DMD: variants seen among roughly 807,000 people sequenced by gnomAD.
The protein encoded by DMD is dystrophin.
A neutral mutation model predicts 330.1 loss-of-function variants in DMD; 63 were observed. That is an observed-to-expected ratio of 0.19 (90% CI 0.16 to 0.24). The LOEUF is 0.24. DMD is among the 10% of genes least tolerant of loss of function. The pLI, the probability that DMD is intolerant of heterozygous loss-of-function variation, is 1.00. For missense variants in DMD, 3,344 were observed against 2,684.1 expected (o/e 1.25, Z -5.43); for synonymous variants, 1,223 against 959.8 (o/e 1.27, Z -5.07).
chrX:31,202,763 A>G (rs1365889634), intron 67 of DMD, among the ~76,000 whole-genome samples: 1 of 112,014 alleles, frequency 8.9e-6, no homozygotes, highest in Non-Finnish European at 1.9e-5. Flanking sequence ...ACTTGAAAAA[A>G]CCAAAAACAA....
At chrX:32,777,377 C>T (rs1569518216) in intron 7 of DMD, among the ~76,000 whole-genome samples, 1 of 102,788 alleles carries the variant, frequency 9.7e-6, no homozygotes, top group African/African-American at 3.6e-5. Flanking sequence ...GCAGTTATTA[C>T]TTTGTAAAAA....
intron 30 of DMD, among the ~76,000 whole-genome samples, chrX:32,407,834 G>A (rs1476843091): frequency 9.2e-6 from 1 of 108,447 alleles, no homozygotes; most frequent in Non-Finnish European, 1.9e-5. Context: ...GGACATGGAT[G>A]AAGCTGGAAA....
chrX:32,789,999 C>A (rs779462164), intron 7 of DMD, among the ~76,000 whole-genome samples: 1 of 111,465 alleles, frequency 9.0e-6, no homozygotes, highest in Non-Finnish European at 1.9e-5. Flanking sequence ...ATATAAAATT[C>A]CTAATAATTT....
At chrX:32,744,913 G>T (rs1434051714) in intron 7 of DMD, among the ~76,000 whole-genome samples, 1 of 111,858 alleles carries the variant, frequency 8.9e-6, no homozygotes, top group Admixed American at 9.5e-5. Flanking sequence ...GGGTGGGAGA[G>T]TTCTTAAAGG....
intron 1 of DMD, among the ~76,000 whole-genome samples, chrX:33,190,878 TAATATATA>T (rs1569557963): frequency 0.18 from 347 of 1,962 alleles, 30 homozygotes; most frequent in East Asian, 0.4. Flanking sequence ...TATATATATA[TAATATATA>T]ATATTATATA....
chrX:31,769,617 A>G (rs1009773061), intron 51 of DMD, among the ~76,000 whole-genome samples: 3 of 111,849 alleles, frequency 2.7e-5, no homozygotes, highest in Non-Finnish European at 1.9e-5. Context: ...AAAAGTCACA[A>G]AAAGTATCTC....
At chrX:32,931,991 T>C (rs1306399287) in intron 2 of DMD, among the ~76,000 whole-genome samples, 2 of 111,626 alleles carry the variant, frequency 1.8e-5, no homozygotes, top group Admixed American at 9.6e-5. Flanking sequence ...AGAACTAAAA[T>C]GAGGGTCTAG....
At chrX:31,910,548 G>C (rs190000138) in intron 47 of DMD, among the ~76,000 whole-genome samples, 2 of 111,883 alleles carry the variant, frequency 1.8e-5, no homozygotes, top group Admixed American at 1.9e-4. Flanking sequence ...GATATAAAAA[G>C]AAATAAAATA....
intron 60 of DMD, among the ~76,000 whole-genome samples, chrX:31,425,697 C>T (rs939832258): frequency 1.0e-5 from 1 of 100,147 alleles, no homozygotes; most frequent in Non-Finnish European, 2.0e-5. Context: ...GGCATGAGTA[C>T]ACACACACAC....
At chrX:32,231,334 G>A (rs767718642) in intron 43 of DMD, among the ~76,000 whole-genome samples, 5 of 112,051 alleles carry the variant, frequency 4.5e-5, no homozygotes, top group Non-Finnish European at 9.4e-5. Flanking sequence ...GTGAGAATAC[G>A]AATTCCAAAT....
chrX:31,592,380 CTATA>C (rs34388625), intron 55 of DMD, among the ~76,000 whole-genome samples: 5,163 of 92,137 alleles, frequency 0.056, 282 homozygotes, highest in African/African-American at 0.17. Context: ...CATATATATT[CTATA>C]TATATATATA....
At chrX:31,477,613 T>C (rs905084588) in intron 59 of DMD, among the ~76,000 whole-genome samples, 2 of 111,368 alleles carry the variant, frequency 1.8e-5, no homozygotes, top group East Asian at 2.8e-4. Context: ...AACTTGAAAC[T>C]GTATTACAAA....
Position 32,185,850 on chromosome X carries a change from C to T in DMD, c.6438+31066G>A, listed in dbSNP as rs1236103804. ...ATTTGTGTTGTTTATCATGTTGCATCATGGTCTTAATTCCACATTTCATGT... is the reference window on the plus strand; with the variant it reads ...ATTTGTGTTGTTTATCATGTTGCATTATGGTCTTAATTCCACATTTCATGT... On this transcript the variant is annotated intron_variant, in intron 44 of 78. Coordinates refer to ENST00000357033, the MANE Select transcript of DMD (RefSeq NM_004006.3). 3.6e-5 allele frequency among the ~76,000 whole-genome samples: 4 copies of T among 110,821 alleles called. 1 individual carries two copies. Among genetic ancestry groups the T allele is most frequent in the Non-Finnish European group, 7.6e-5 (4 of 52,692 alleles).
intron 43 of DMD, among the ~76,000 whole-genome samples, chrX:32,248,282 A>G (rs1175179973): frequency 2.7e-5 from 3 of 111,608 alleles, no homozygotes; most frequent in African/African-American, 9.7e-5. Context: ...AATTTATCTC[A>G]TATTTGTGGT....
chrX:33,240,654 T>C (rs180958429), intron 1 of DMD, among the ~76,000 whole-genome samples: 3 of 111,869 alleles, frequency 2.7e-5, no homozygotes, highest in African/African-American at 9.7e-5. Context: ...TTTTCAATAA[T>C]GGTTATATTA....
intron 1 of DMD, among the ~76,000 whole-genome samples, chrX:33,190,915 TATATATATA>T (rs1438437153): frequency 0.047 from 36 of 771 alleles, 4 homozygotes; most frequent in Non-Finnish European, 0.057. Context: ...TATATAATAT[TATATATATA>T]ATATTATATA....
intron 18 of DMD, among the ~76,000 whole-genome samples, chrX:32,513,783 C>T (rs1026012643): frequency 6.3e-5 from 7 of 111,480 alleles, no homozygotes; most frequent in African/African-American, 2.3e-4. Flanking sequence ...TGAAAATAGA[C>T]ACTATTTGAA....
chrX:32,652,893 T>A (rs909782441), intron 9 of DMD, among the ~76,000 whole-genome samples: 1 of 112,316 alleles, frequency 8.9e-6, no homozygotes, highest in East Asian at 2.8e-4. Flanking sequence ...GGTTTTGATT[T>A]GCATTTCTCT....
intron 43 of DMD, among the ~76,000 whole-genome samples, chrX:32,234,060 G>T (rs934136163): frequency 9.0e-6 from 1 of 111,589 alleles, no homozygotes; most frequent in African/African-American, 3.3e-5. Flanking sequence ...CATGGTATGG[G>T]TCACAGTAAA....
Sources: gnomAD v4.1 joint callset for allele counts (sites outside exome capture counted in the v4.1 genomes callset) on GRCh38, gnomAD v4.1.1 for gene constraint, MANE v1.5 for transcripts, NCBI Gene and HGNC (gene_info 2026-07-23, HGNC 2026-07-21) for gene names.